The following TMEM132C variants were observed in gnomAD, a reference collection of about 807,000 sequenced individuals.
The protein encoded by TMEM132C is protein phosphatase 1, regulatory subunit 152.
In TMEM132C, 29 loss-of-function variants were observed where a neutral mutation model predicts 61.4. The observed-to-expected ratio is 0.47, with a 90% CI of 0.35 to 0.64. The LOEUF is 0.64. Ranked by LOEUF, TMEM132C falls within the 30% of genes least tolerant of loss-of-function variation. The pLI is 0.00. For missense variants in TMEM132C, 1,408 were observed against 1,476.9 expected (o/e 0.95, Z 0.76); for synonymous variants, 656 against 633.1 (o/e 1.04, Z -0.54).
intron 5 of TMEM132C, among the ~76,000 whole-genome samples, chr12:128,678,147 A>C (rs1954608746): frequency 6.6e-6 from 1 of 152,208 alleles, no homozygotes; most frequent in Admixed American, 6.5e-5. Flanking sequence ...ACAGCAGAAG[A>C]GAGTTTTCTA....
rs531705895 is a variant in TMEM132C, at chr12:128,313,418, C to T, written c.85+45931C>T. ...TTCCTACCCAGTCTGCCATCCTACA[C>T]GCCACCACCCTGAGGCAGACCGGAG... is the stretch of plus-strand genomic sequence containing the variant. On this transcript the variant is annotated intron_variant, in intron 1 of 8. Coordinates refer to ENST00000435159, the MANE Select transcript of TMEM132C (RefSeq NM_001136103.3). Among the ~76,000 whole-genome samples, 21 of 152,308 alleles carry T rather than the reference C, an allele frequency of 1.4e-4. No homozygotes were observed. The South Asian group carries it at 3.9e-3, about 29-fold the overall frequency.
intron 2 of TMEM132C, among the ~76,000 whole-genome samples, chr12:128,514,619 T>C (rs1872665110): frequency 6.6e-6 from 1 of 152,130 alleles, no homozygotes; most frequent in South Asian, 2.1e-4. Context: ...AAAGAAGAGT[T>C]GATATGTTGT....
Position 128,464,790 on chromosome 12 carries a change from AAGAG to A in TMEM132C, c.974+49173_974+49176del, listed in dbSNP as rs139973235. 3.6e-5 allele frequency among the ~76,000 whole-genome samples: 5 copies of A among 137,316 alleles called. 1 individual carries two copies. Among genetic ancestry groups the A allele is most frequent in the Non-Finnish European group, 7.9e-5 (5 of 63,392 alleles). The allele number at this position is 137,316 out of a possible 152,430, so 90.1% of individuals were successfully genotyped here. A position where few individuals can be genotyped will look rare whatever the true frequency, so the allele number is the denominator to read the frequency against. ...AAAGAAAGAAAGAAAGAAAGAGAGA[AAGAG>A]AGGGAGGGAGGGAGGAAGGAAGAAA... On this transcript the variant is annotated intron_variant, in intron 2 of 8. Transcript: ENST00000435159.
chr12:128,306,289 G>GC (rs1218487297), intron 1 of TMEM132C, among the ~76,000 whole-genome samples: 2 of 147,410 alleles, frequency 1.4e-5, no homozygotes, highest in Non-Finnish European at 3.0e-5. Flanking sequence ...TGCAAGCTCT[G>GC]CCCCCCGGGT....
intron 1 of TMEM132C, among the ~76,000 whole-genome samples, chr12:128,323,999 T>C (rs1872423892): frequency 6.6e-6 from 1 of 152,326 alleles, no homozygotes; most frequent in East Asian, 1.9e-4. Context: ...TTGCTTAAAA[T>C]GCAGTCGTTT....
At chr12:128,512,984 G>T (rs1024780869) in intron 2 of TMEM132C, among the ~76,000 whole-genome samples, 1 of 152,168 alleles carries the variant, frequency 6.6e-6, no homozygotes, top group African/African-American at 2.4e-5. Context: ...ACCGCTGTCC[G>T]TGTAAAGCTG....
At chr12:128,668,476 T>G (rs1272889719) in intron 4 of TMEM132C, among the ~76,000 whole-genome samples, 1 of 152,180 alleles carries the variant, frequency 6.6e-6, no homozygotes, top group African/African-American at 2.4e-5. Context: ...TTCCACCTTA[T>G]TTGGGAGACA....
chr12:128,300,230 G>A (rs565405574), intron 1 of TMEM132C, among the ~76,000 whole-genome samples: 4 of 152,182 alleles, frequency 2.6e-5, no homozygotes, highest in East Asian at 1.9e-4. Flanking sequence ...AAGAGAAACC[G>A]CTGTGATGAA....
chr12:128,432,692 G>A (rs968331176), intron 2 of TMEM132C, among the ~76,000 whole-genome samples: 4 of 152,118 alleles, frequency 2.6e-5, no homozygotes, highest in Admixed American at 6.5e-5. Flanking sequence ...ATCTACTCCT[G>A]GTGAAGATAC....
chr12:128,598,271 A>G (rs1404285213), intron 3 of TMEM132C, among the ~76,000 whole-genome samples: 1 of 152,104 alleles, frequency 6.6e-6, no homozygotes, highest in African/African-American at 2.4e-5. Context: ...TAATAACAAT[A>G]ATAATGATAC....
At chr12:128,407,641 G>T (rs1044097866) in intron 1 of TMEM132C, among the ~76,000 whole-genome samples, 1 of 152,150 alleles carries the variant, frequency 6.6e-6, no homozygotes, top group Admixed American at 6.5e-5. Flanking sequence ...GTTGGCCCAG[G>T]CTTGTTCTTC....
chr12:128,296,220 A>G (rs1014996479), intron 1 of TMEM132C, among the ~76,000 whole-genome samples: 2 of 152,338 alleles, frequency 1.3e-5, no homozygotes, highest in South Asian at 4.1e-4. Context: ...TTCACGTTTT[A>G]TAATTAGGAT....
rs200359794 is a variant in TMEM132C at position 128,665,557 on chromosome 12, G to A, written c.1306-3860G>A. ...CAAATGCAGGCGCAAAAATACAGGC[G>A]CACACACACACACAGGCATATGCAC... On this transcript the variant is annotated intron_variant, in intron 4 of 8. Coordinates refer to ENST00000435159, the MANE Select transcript of TMEM132C (RefSeq NM_001136103.3). 5.4e-3 allele frequency among the ~76,000 whole-genome samples: 537 copies of A among 99,344 alleles called. 6 individuals carry two copies. The highest frequency in any genetic ancestry group is 0.026 in the African/African-American group (498 of 19,198). The allele number at this position is 99,344 out of a possible 152,430, so 65.2% of individuals were successfully genotyped here. A position where few individuals can be genotyped will look rare whatever the true frequency, so the allele number is the denominator to read the frequency against.
chr12:128,436,696 T>G (rs543026690), intron 2 of TMEM132C, among the ~76,000 whole-genome samples: 1 of 152,316 alleles, frequency 6.6e-6, no homozygotes, highest in African/African-American at 2.4e-5. Flanking sequence ...ACACTGTTGG[T>G]GGGAGTGTAA....
chr12:128,384,972 C>G (rs186712992), intron 1 of TMEM132C, among the ~76,000 whole-genome samples: 13 of 152,352 alleles, frequency 8.5e-5, no homozygotes, highest in African/African-American at 3.1e-4. Context: ...ACATTCACGT[C>G]TGTCAAAGTC....
At chr12:128,470,765 A>G (rs1870923843) in intron 2 of TMEM132C, among the ~76,000 whole-genome samples, 2 of 152,210 alleles carry the variant, frequency 1.3e-5, no homozygotes. Context: ...AAAAAGCAAA[A>G]TAGTAAATAT....
intron 1 of TMEM132C, among the ~76,000 whole-genome samples, chr12:128,400,527 A>T (rs1226359717): frequency 6.6e-6 from 1 of 151,648 alleles, no homozygotes; most frequent in Non-Finnish European, 1.5e-5. Flanking sequence ...ACAGTGTAGG[A>T]TGTTGAACAG....
intron 4 of TMEM132C, among the ~76,000 whole-genome samples, chr12:128,667,100 G>A (rs1337700588): frequency 1.3e-5 from 2 of 152,112 alleles, no homozygotes; most frequent in Non-Finnish European, 2.9e-5. Context: ...TATAGATAGA[G>A]ATAGAGATAG....
chr12:128,661,990 T>C (rs35754198), intron 4 of TMEM132C, among the ~76,000 whole-genome samples: 29,923 of 152,148 alleles, frequency 0.2, 3,210 homozygotes, highest in African/African-American at 0.28. Context: ...TGCCAAATCC[T>C]GACAGTGATT....
Sources: gnomAD v4.1 joint callset for allele counts (sites outside exome capture counted in the v4.1 genomes callset) on GRCh38, gnomAD v4.1.1 for gene constraint, MANE v1.5 for transcripts, NCBI Gene and HGNC (gene_info 2026-07-23, HGNC 2026-07-21) for gene names.